The following PXYLP1 variants were observed in gnomAD, a reference collection of about 807,000 sequenced individuals.
The protein encoded by PXYLP1 is acid phosphatase-like 2.
Under a neutral mutation model 37.9 loss-of-function variants are expected in PXYLP1, and 17 were observed. That is an observed-to-expected ratio of 0.45 (90% CI 0.31 to 0.67). The LOEUF is 0.67. Ranked by LOEUF, PXYLP1 falls within the 30% of genes least tolerant of loss-of-function variation. The pLI, the probability that PXYLP1 is intolerant of heterozygous loss-of-function variation, is 0.07. For missense variants in PXYLP1, 511 were observed against 612.0 expected (o/e 0.84, Z 1.74); for synonymous variants, 221 against 232.2 (o/e 0.95, Z 0.44).
At chr3:141,250,571 T>C (rs1312835688) in intron 1 of PXYLP1, among the ~76,000 whole-genome samples, 1 of 152,178 alleles carries the variant, frequency 6.6e-6, no homozygotes, top group Non-Finnish European at 1.5e-5. Flanking sequence ...CTTCAGCCAG[T>C]GAGATGCGAT....
At chr3:141,269,104 A>C (rs1401123569) in intron 2 of PXYLP1, among the ~76,000 whole-genome samples, 1 of 152,186 alleles carries the variant, frequency 6.6e-6, no homozygotes, top group African/African-American at 2.4e-5. Flanking sequence ...GCCTCCCCAA[A>C]GCCCCTCGCC....
chr3:141,287,511 C>T, intron 5 of PXYLP1, 58 bp downstream of exon 5: 2 of 1,577,632 alleles, frequency 1.3e-6, no homozygotes, highest in East Asian at 4.5e-5. Context: ...GCTTGCATAC[C>T]TTCCGAGCAG....
intron 2 of PXYLP1, among the ~76,000 whole-genome samples, chr3:141,275,573 T>G (rs545220708): frequency 2.4e-4 from 36 of 152,370 alleles, no homozygotes; most frequent in African/African-American, 8.7e-4. Flanking sequence ...AGAGACTGCC[T>G]TAGCACTTTT....
intron 1 of PXYLP1, among the ~76,000 whole-genome samples, chr3:141,246,129 G>C (rs1940932228): frequency 6.6e-6 from 1 of 152,138 alleles, no homozygotes; most frequent in Non-Finnish European, 1.5e-5. Flanking sequence ...AAGCTTGGTG[G>C]GGGGTAGGCT....
chr3:141,262,124 G>A (rs1941406818), intron 2 of PXYLP1: 1 of 282,570 alleles, frequency 3.5e-6, no homozygotes, highest in African/African-American at 2.3e-5. Flanking sequence ...TTCAAGAGAG[G>A]AGACTTTGAG....
intron 3 of PXYLP1, 126 bp from the exon 4 acceptor site, chr3:141,279,252 C>T (rs1941884343): frequency 5.0e-6 from 6 of 1,211,096 alleles, no homozygotes; most frequent in Admixed American, 4.3e-5. Flanking sequence ...TGCAAACCCA[C>T]GGTGGCCCCT....
chr3:141,292,488 T>G lies in PXYLP1; in HGVS notation c.726T>G (p.Ser242=). 6.2e-7 allele frequency: 1 copy of G among 1,614,228 alleles called. No individual in the cohort carries two copies. The highest frequency in any genetic ancestry group is 8.5e-7 in the Non-Finnish European group (1 of 1,180,044). Residue 242 remains serine (S), a synonymous_variant, in exon 6 of 6, where the codon TCT becomes TCG. Coordinates refer to ENST00000286353, the MANE Select transcript of PXYLP1 (RefSeq NM_001037172.3). This position sits in a 1 kb window ranked among gnomAD's most constrained non-coding sequence, Gnocchi z 4.3. ...FRHQPSALFC[S]GSCYCPVRNQ... ...ACCAGCCAAGTGCGCTGTTCTGCTC[T>G]GGAAGCTGCTATTGCCCGGTAAGAA... is the stretch of plus-strand genomic sequence containing the variant.
intron 1 of PXYLP1, among the ~76,000 whole-genome samples, chr3:141,257,135 C>T (rs779521066): frequency 8.1e-4 from 123 of 152,316 alleles, no homozygotes; most frequent in Non-Finnish European, 1.5e-3. Context: ...TAGATCCTGG[C>T]TTAGAATTTC....
chr3:141,262,254 A>G (rs1451128013), intron 2 of PXYLP1: 9 of 988,984 alleles, frequency 9.1e-6, no homozygotes, highest in Non-Finnish European at 1.1e-5. Context: ...ATTGGAAAAG[A>G]GGTCAAAAGA....
At chr3:141,287,513 T>C in intron 5 of PXYLP1, 60 bp downstream of exon 5, 1 of 1,572,416 alleles carries the variant, frequency 6.4e-7, no homozygotes, top group Non-Finnish European at 8.6e-7. Context: ...TTGCATACCT[T>C]CCGAGCAGTT....
intron 1 of PXYLP1, chr3:141,234,086 T>G (rs542188424): frequency 6.6e-6 from 1 of 152,262 alleles, no homozygotes; most frequent in African/African-American, 2.4e-5. Flanking sequence ...TGAATTAGTC[T>G]GAGTTCACAA....
chr3:141,260,945 C>G (rs1941380758), intron 2 of PXYLP1, among the ~76,000 whole-genome samples: 1 of 152,234 alleles, frequency 6.6e-6, no homozygotes, highest in African/African-American at 2.4e-5. Flanking sequence ...TGGCCCCTCT[C>G]TGCTGCTTCT....
At chr3:141,251,188 AT>A (rs1941131936) in intron 1 of PXYLP1, among the ~76,000 whole-genome samples, 1 of 152,210 alleles carries the variant, frequency 6.6e-6, no homozygotes, top group Non-Finnish European at 1.5e-5. Flanking sequence ...TGTGAGATTA[AT>A]TTCTCTCACC....
chr3:141,245,216 AT>A, intron 1 of PXYLP1, among the ~76,000 whole-genome samples: 1 of 151,586 alleles, frequency 6.6e-6, no homozygotes, highest in Non-Finnish European at 1.5e-5. Flanking sequence ...TGCCCAGCTA[AT>A]TTTTGTATTT....
intron 5 of PXYLP1, 79 bp downstream of exon 5, chr3:141,287,532 C>T (rs528656890): frequency 2.7e-5 from 41 of 1,544,884 alleles, no homozygotes; most frequent in East Asian, 9.1e-5. Context: ...TTCTCCTGGG[C>T]GGGGTGCTGT....
chr3:141,274,615 G>A (rs1473086625), intron 2 of PXYLP1: 2 of 801,282 alleles, frequency 2.5e-6, no homozygotes, highest in Admixed American at 4.0e-5. Flanking sequence ...GTCTGCCCCA[G>A]TTCAGCAGGT....
intron 1 of PXYLP1, among the ~76,000 whole-genome samples, chr3:141,248,172 G>A (rs1358116431): frequency 3.3e-5 from 5 of 151,816 alleles, no homozygotes; most frequent in Non-Finnish European, 7.4e-5. Flanking sequence ...ACAGGTGCCC[G>A]CCACCAAGCC....
At chr3:141,267,997 A>T (rs1481394574) in intron 2 of PXYLP1, among the ~76,000 whole-genome samples, 4 of 152,240 alleles carry the variant, frequency 2.6e-5, no homozygotes, top group Non-Finnish European at 4.4e-5. Flanking sequence ...CTGTTTAAAG[A>T]TGTTTACTGC....
At chr3:141,288,652 G>T (rs1175306537) in intron 5 of PXYLP1, among the ~76,000 whole-genome samples, 1 of 152,188 alleles carries the variant, frequency 6.6e-6, no homozygotes, top group African/African-American at 2.4e-5. Context: ...CCAGCACTTT[G>T]GGAGGCTGAG....
Sources: gnomAD v4.1 joint callset for allele counts (sites outside exome capture counted in the v4.1 genomes callset) on GRCh38, gnomAD v4.1.1 for gene constraint, Gnocchi (gnomAD v3.1) non-coding constraint, MANE v1.5 for transcripts, NCBI Gene and HGNC (gene_info 2026-07-23, HGNC 2026-07-21) for gene names.